Variants in TAP2 observed in about 807,000 individuals in gnomAD.
TAP2 encodes antigen peptide transporter 2.
TAP2 carries 49 observed loss-of-function variants against 74.7 expected under a neutral mutation model. The ratio of observed to expected loss-of-function variants is 0.66; its 90% CI spans 0.52 to 0.83. The LOEUF (loss-of-function observed/expected upper bound fraction) is 0.83. Among genes scored for constraint, TAP2 ranks in the 40% least tolerant of loss-of-function variants. TAP2 has a pLI of 0.00. For synonymous variants in TAP2, 306 were observed against 368.4 expected (o/e 0.83, Z 1.94); for missense variants, 739 against 859.0 (o/e 0.86, Z 1.75).
Position 32,838,223 on chromosome 6 carries a change from G to C in TAP2, c.11C>G (p.Pro4Arg). 2 of 1,575,246 alleles carry C rather than the reference G, an allele frequency of 1.3e-6. No individual in the cohort carries two copies. The highest frequency in any genetic ancestry group is 2.1e-4 in the Middle Eastern group (1 of 4,654). Residue 4 changes from proline to arginine, a missense_variant, in exon 2 of 12, where the codon CCT becomes CGT. Coordinates refer to ENST00000374897, the MANE Select transcript of TAP2 (RefSeq NM_001290043.2). MRL[P>R]DLRPWTSLLL... ...CAGGGAGGTCCAGGGTCTCAGGTCAGGGAGCCGCATGGCTCTGTCAACGGA... is the reference window on the plus strand; with the variant it reads ...CAGGGAGGTCCAGGGTCTCAGGTCACGGAGCCGCATGGCTCTGTCAACGGA...
downstream of TAP2, among the ~76,000 whole-genome samples, chr6:32,823,460 G>A (rs1384885280): frequency 8.1e-6 from 1 of 123,524 alleles, no homozygotes; most frequent in African/African-American, 3.1e-5. Flanking sequence ...TTTTGGTGAG[G>A]AGTGTCTGAA....
In TAP2 at chr6:32,838,245, C is replaced by T; in HGVS notation, c.-4-8G>A. ...TCAGGGAGCCGCATGGCTCTGTCAA[C>T]GGATACGAGATGAGAAATCATGGGG... On this transcript the variant is annotated splice_region_variant and splice_polypyrimidine_tract_variant and intron_variant, in intron 1 of 11. Coordinates refer to ENST00000374897, the MANE Select transcript of TAP2 (RefSeq NM_001290043.2). 1 of 1,547,796 alleles carries T rather than the reference C, an allele frequency of 6.5e-7. No homozygotes were observed. The highest frequency in any genetic ancestry group is 8.7e-7 in the Non-Finnish European group (1 of 1,152,646).
Position 32,830,421 on chromosome 6 carries a change from C to G in TAP2, c.1481G>C (p.Arg494Pro). ...PVLKGLTFTLRPGEVTALVGP... is the reference protein window; with the variant it reads ...PVLKGLTFTLPPGEVTALVGP... ...CACCAGCGCCGTCACCTCACCAGGA[C>G]GTAGGGTAAACGTCAGCCCCTAGAA... The change falls in exon 9 of 12, where the codon CGT becomes CCT. Residue 494 changes from arginine to proline, a missense_variant. By Grantham distance (103) the Arg-to-Pro change is moderately radical. Transcript: ENST00000374897. The G allele has an allele frequency of 1.9e-6, 3 of 1,613,046 alleles. No individual in the cohort carries two copies. The highest frequency in any genetic ancestry group is 2.5e-6 in the Non-Finnish European group (3 of 1,179,988).
downstream of TAP2, chr6:32,822,441 A>T: frequency 1.5e-6 from 1 of 677,706 alleles, no homozygotes; most frequent in South Asian, 1.9e-5. Context: ...ATTCATCTAC[A>T]ATTTTTATAT....
chr6:32,838,031 G>A lies in TAP2; in HGVS notation c.203C>T (p.Pro68Leu). Residue 68 changes from proline (P) to leucine (L), a missense_variant, in exon 2 of 12, where the codon CCG (proline) becomes CTG (leucine). Physicochemically the swap from Pro to Leu is moderately conservative, Grantham distance 98 (BLOSUM62 -3). Coordinates refer to ENST00000374897, the MANE Select transcript of TAP2 (RefSeq NM_001290043.2). ...LLGFVGTLLL[P>L]LCLATPLTVS... ...AGTCAGGGGGGTGGCCAGACAGAGC[G>A]GGAGCAGCAGTGTCCCCACAAATCC... 6.2e-7 allele frequency: 1 copy of A among 1,612,420 alleles called. No homozygotes were observed. The highest frequency in any genetic ancestry group is 8.5e-7 in the Non-Finnish European group (1 of 1,179,800).
At position 32,829,397 on chromosome 6, in the gene TAP2, C is replaced by A; in HGVS notation, c.1932+3G>T. 1 of 1,592,622 alleles carries A rather than the reference C, an allele frequency of 6.3e-7. No homozygotes were observed. Among genetic ancestry groups the A allele is most frequent in the Non-Finnish European group, 8.6e-7 (1 of 1,168,872 alleles). Reference sequence around the variant, plus strand: ...CTGTCCCCTGCCCTCTCACGGTACTCACGGCCTGCTCGCACTGCACATCTA... The same window carrying A: ...CTGTCCCCTGCCCTCTCACGGTACTAACGGCCTGCTCGCACTGCACATCTA... On this transcript the variant is annotated splice_donor_region_variant and intron_variant, in intron 11 of 11. Transcript: ENST00000374897.
At position 32,835,453 on chromosome 6, in the gene TAP2, C is replaced by G; in HGVS notation, c.740-94G>C. On this transcript the variant is annotated intron_variant, in intron 4 of 11. Coordinates refer to ENST00000374897, the MANE Select transcript of TAP2 (RefSeq NM_001290043.2). The surrounding 1 kb of genome is among the most constrained non-coding windows in gnomAD (Gnocchi z 4.0). Reference sequence around the variant, plus strand: ...CTGACCGTTCCCTCTGACACAGCCCCCTCCTCTGAACATCCTCCTTCACTT... The same window carrying G: ...CTGACCGTTCCCTCTGACACAGCCCGCTCCTCTGAACATCCTCCTTCACTT... 1 of 1,470,032 alleles carries G rather than the reference C, an allele frequency of 6.8e-7. No individual in the cohort carries two copies. The highest frequency in any genetic ancestry group is 1.4e-5 in the African/African-American group (1 of 72,076). The allele number at this position is 1,470,032 out of a possible 1,614,324, so 91.1% of individuals were successfully genotyped here. A position where few individuals can be genotyped will look rare whatever the true frequency, so the allele number is the denominator to read the frequency against.
At chr6:32,831,733 T>C (rs1769090495) in intron 7 of TAP2, among the ~76,000 whole-genome samples, 1 of 152,142 alleles carries the variant, frequency 6.6e-6, no homozygotes, top group African/African-American at 2.4e-5. Context: ...GACAGATACA[T>C]GGATTGATGG....
rs776491919 is a variant in TAP2 at position 32,838,119 on chromosome 6, A to G, written c.115T>C (p.Trp39Arg). ...TLLPQGLPGLWLEGTLRLGGL... is the reference protein window; with the variant it reads ...TLLPQGLPGLRLEGTLRLGGL... ...CCCAGCCGCAGGGTCCCCTCCAGCCATAGTCCTGGCAGCCCTTGAGGAAGC... is the reference window on the plus strand; with the variant it reads ...CCCAGCCGCAGGGTCCCCTCCAGCCGTAGTCCTGGCAGCCCTTGAGGAAGC... Residue 39 changes from tryptophan to arginine, a missense_variant, in exon 2 of 12, where the codon TGG becomes CGG. Coordinates refer to ENST00000374897, the MANE Select transcript of TAP2 (RefSeq NM_001290043.2). 2.8e-5 allele frequency: 45 copies of G among 1,610,726 alleles called. No homozygotes were observed. In the South Asian group the frequency reaches 4.4e-4, roughly 16 times the overall value.
chr6:32,827,631 C>T lies in TAP2; in HGVS notation c.*1275G>A. On this transcript the variant is annotated 3_prime_UTR_variant, in exon 12 of 12. Transcript: ENST00000374897. ...AGGGGCGAGTCGAGCAGAAAATGGG[C>T]AAGAAAACACCATATGCAAAGGCAC... 1.4e-6 allele frequency: 1 copy of T among 711,994 alleles called. No homozygotes were observed. Among genetic ancestry groups the T allele is most frequent in the Non-Finnish European group, 1.7e-6 (1 of 581,678 alleles). The allele number at this position is 711,994 out of a possible 1,614,324, so 44.1% of individuals were successfully genotyped here.
In TAP2 at chr6:32,826,021, T is replaced by A. The variant is rs1768626978; in HGVS notation, c.*2885A>T. 3.0e-6 allele frequency: 3 copies of A among 985,466 alleles called. No individual in the cohort carries two copies. In the South Asian group the frequency reaches 1.4e-4, roughly 46 times the overall value. 61.0% of individuals were successfully genotyped at this position (985,466 alleles called of 1,614,324 possible). On this transcript the variant is annotated 3_prime_UTR_variant, in exon 12 of 12. Transcript: ENST00000374897. ...TCTAATTCCTAAGAGTCCATGGAAC[T>A]CTAGGTTCAAAACCCAGTTTCTTCT...
chr6:32,830,227 C>T (rs747374821), intron 9 of TAP2, 40 bp downstream of exon 9: 11 of 1,612,738 alleles, frequency 6.8e-6, no homozygotes, highest in South Asian at 1.1e-5. Context: ...TCTGTACATG[C>T]TCCCCTCTCC....
chr6:32,831,967 T>A (rs1182962004), intron 7 of TAP2, among the ~76,000 whole-genome samples: 1 of 152,254 alleles, frequency 6.6e-6, no homozygotes, highest in Non-Finnish European at 1.5e-5. Flanking sequence ...GATAATGGCT[T>A]TGTTGTTATA....
downstream of TAP2, among the ~76,000 whole-genome samples, chr6:32,825,126 T>A (rs13220685): frequency 1.4e-3 from 197 of 140,454 alleles, no homozygotes; most frequent in South Asian, 4.2e-3. Context: ...TGTCTGTTGG[T>A]TATATACATA....
chr6:32,830,691 G>A lies in TAP2; in HGVS notation c.1388C>T (p.Thr463Ile). ...TTGGAATTTCACAACCCCCTGCAGA[G>A]TGGTGGGGGCAAGCGTGCCAGGTGA... ...LPSPGTLAPT[T>I]LQGVVKFQDV... Residue 463 changes from threonine (T) to isoleucine (I), a missense_variant, in exon 8 of 12, where the codon ACT becomes ATT. Physicochemically the swap from Thr to Ile is moderately conservative, Grantham distance 89. Coordinates refer to ENST00000374897, the MANE Select transcript of TAP2 (RefSeq NM_001290043.2). The A allele has an allele frequency of 6.2e-7, 1 of 1,613,072 alleles. No individual in the cohort carries two copies. The highest frequency in any genetic ancestry group is 8.5e-7 in the Non-Finnish European group (1 of 1,180,030).
At chr6:32,830,859 C>T in intron 7 of TAP2, 53 bp from the exon 8 acceptor site, 1 of 1,502,772 alleles carries the variant, frequency 6.7e-7, no homozygotes, top group Non-Finnish European at 9.1e-7. Context: ...CTACCAGAAA[C>T]CACCCTCCCA....
chr6:32,836,631 A>G (rs1415301043), intron 3 of TAP2, among the ~76,000 whole-genome samples: 3 of 152,220 alleles, frequency 2.0e-5, no homozygotes, highest in African/African-American at 7.2e-5. Flanking sequence ...AATCTGTACA[A>G]CATATAACTG....
In TAP2 at chr6:32,835,832, G is replaced by GA. The variant is rs1450208152; in HGVS notation, c.609-60dup. ...GCAGAGAAGGAGCAAGCCAGCGGGT[G>GA]AAACAGAGGAGCAAGCCAGGAGTGC... On this transcript the variant is annotated intron_variant, in intron 3 of 11. Coordinates refer to ENST00000374897, the MANE Select transcript of TAP2 (RefSeq NM_001290043.2). The surrounding 1 kb of genome is among the most constrained non-coding windows in gnomAD (Gnocchi z 4.0). 2 of 1,611,250 alleles carry GA rather than the reference G, an allele frequency of 1.2e-6. No homozygotes were observed. Among genetic ancestry groups the GA allele is most frequent in the Non-Finnish European group, 1.7e-6 (2 of 1,178,642 alleles).
Position 32,835,865 on chromosome 6 carries a change from C to T in TAP2, c.609-92G>A, listed in dbSNP as rs986509601. On this transcript the variant is annotated intron_variant, in intron 3 of 11. Transcript: ENST00000374897. The surrounding 1 kb of genome is among the most constrained non-coding windows in gnomAD (Gnocchi z 4.0). ...GGAGCAAGCCAGGAGTGCAGAGAAG[C>T]GCAAAGTCAGGGGAAAGCATGCCAG... is the stretch of plus-strand genomic sequence containing the variant. The T allele has an allele frequency of 6.3e-5, 99 of 1,564,968 alleles. No individual in the cohort carries two copies. Among genetic ancestry groups the T allele is most frequent in the South Asian group, 6.7e-5 (6 of 89,868 alleles).
Sources: allele counts gnomAD v4.1 joint callset (sites outside exome capture counted in the v4.1 genomes callset), GRCh38; gene constraint gnomAD v4.1.1; non-coding constraint Gnocchi (gnomAD v3.1); transcripts MANE v1.5; gene names NCBI Gene and HGNC (gene_info 2026-07-23, HGNC 2026-07-21).